The following LRBA variants were observed in gnomAD, a reference collection of about 807,000 sequenced individuals.
LRBA encodes the protein LPS responsive beige-like anchor protein, also known as lipopolysaccharide-responsive and beige-like anchor protein.
In LRBA, 176 loss-of-function variants were observed where a neutral mutation model predicts 330.0. The observed-to-expected ratio is 0.53, with a 90% CI of 0.47 to 0.60. The LOEUF (loss-of-function observed/expected upper bound fraction) is 0.60, where lower values mean the gene tolerates loss of function less well. Among genes scored for constraint, LRBA ranks in the 20% least tolerant of loss-of-function variants. The pLI is 0.00. For synonymous variants in LRBA, 1,230 were observed against 1,193.0 expected (o/e 1.03, Z -0.64); for missense variants, 3,259 against 3,444.8 (o/e 0.95, Z 1.35).
At chr4:150,632,716 C>T (rs1379623722) in intron 37 of LRBA, among the ~76,000 whole-genome samples, 6 of 152,108 alleles carry the variant, frequency 3.9e-5, no homozygotes, top group Non-Finnish European at 7.4e-5. Context: ...CATGTTTCAC[C>T]CTATCTGCCT....
intron 40 of LRBA, among the ~76,000 whole-genome samples, chr4:150,541,968 C>T (rs1020491045): frequency 3.3e-5 from 5 of 152,084 alleles, no homozygotes; most frequent in African/African-American, 1.2e-4. Context: ...ACAGAAATAC[C>T]TTGAAAGTAA....
intron 40 of LRBA, among the ~76,000 whole-genome samples, chr4:150,534,373 AATAAT>A (rs1387656049): frequency 3.4e-5 from 4 of 117,466 alleles, no homozygotes; most frequent in Non-Finnish European, 7.9e-5. Context: ...TAATAATAAT[AATAAT>A]TTTTTTTAAA....
At chr4:150,296,272 A>G (rs1218353093) in intron 53 of LRBA, among the ~76,000 whole-genome samples, 1 of 152,190 alleles carries the variant, frequency 6.6e-6, no homozygotes, top group East Asian at 1.9e-4. Flanking sequence ...CCACTCACCC[A>G]AAGGAAATAA....
At chr4:150,411,312 A>C (rs1165977758) in intron 47 of LRBA, among the ~76,000 whole-genome samples, 1 of 152,202 alleles carries the variant, frequency 6.6e-6, no homozygotes, top group African/African-American at 2.4e-5. Flanking sequence ...TGGGTGAGAC[A>C]GTAGTTACAG....
rs1261962944 is a variant in LRBA, at chr4:150,844,780, CTG to C, written c.4340-3_4340-2del. 6.2e-7 allele frequency: 1 copy of C among 1,607,680 alleles called. No homozygotes were observed. The highest frequency in any genetic ancestry group is 1.1e-5 in the South Asian group (1 of 89,194). On this transcript the variant is annotated splice_acceptor_variant and splice_polypyrimidine_tract_variant and intron_variant, in intron 26 of 56. Transcript: ENST00000651943. LOFTEE classifies it high-confidence loss of function. ...CAATTCCTTACTGCGACTGCACAAA[CTG>C]TAATTTATTTTAAGGAAAAGATAGG...
At position 150,929,034 on chromosome 4, in the gene LRBA, T is replaced by A. The variant is rs1734178213; in HGVS notation, c.248A>T (p.Asn83Ile). Residue 83 changes from asparagine (N) to isoleucine (I), a missense_variant, in exon 3 of 57, where the codon AAT (asparagine) becomes ATT (isoleucine). Coordinates refer to ENST00000651943, the MANE Select transcript of LRBA (RefSeq NM_001364905.1). ...LVGGQFDLEM[N>I]FIIQEGESIN... Reference sequence around the variant, plus strand: ...ACTCTCACCTTCTTGGATAATGAAATTCATTTCCAGATCAAACTGTCCTCC... The same window carrying A: ...ACTCTCACCTTCTTGGATAATGAAAATCATTTCCAGATCAAACTGTCCTCC... The A allele has an allele frequency of 6.2e-7, 1 of 1,613,094 alleles. No individual in the cohort carries two copies. The highest frequency in any genetic ancestry group is 2.2e-5 in the East Asian group (1 of 44,824).
intron 36 of LRBA, among the ~76,000 whole-genome samples, chr4:150,688,048 AG>A: frequency 6.6e-6 from 1 of 152,352 alleles, no homozygotes; most frequent in East Asian, 1.9e-4. Context: ...CCTGACTTCA[AG>A]CTATACTATA....
intron 31 of LRBA, among the ~76,000 whole-genome samples, chr4:150,816,661 A>C (rs1744637312): frequency 6.6e-6 from 1 of 151,910 alleles, no homozygotes; most frequent in Non-Finnish European, 1.5e-5. Flanking sequence ...CTCTAATTCA[A>C]AAAAATATGC....
chr4:150,914,424 T>G (rs555624445), intron 8 of LRBA, 83 bp from the exon 9 acceptor site: 1 of 973,392 alleles, frequency 1.0e-6, no homozygotes, highest in South Asian at 2.4e-5. Flanking sequence ...TCATAAATGT[T>G]TTGTCCATTC....
intron 40 of LRBA, among the ~76,000 whole-genome samples, chr4:150,495,739 C>G (rs1387468983): frequency 1.3e-5 from 2 of 152,122 alleles, no homozygotes; most frequent in Non-Finnish European, 2.9e-5. Context: ...GAAACAGACC[C>G]TTCTTTGGGA....
Position 150,603,557 on chromosome 4 carries a change from G to A in LRBA, c.5922-4426C>T, listed in dbSNP as rs549910238. Among the ~76,000 whole-genome samples, 5 of 152,224 alleles carry A rather than the reference G, an allele frequency of 3.3e-5. No homozygotes were observed. The South Asian group carries it at 1.0e-3, about 32-fold the overall frequency. On this transcript the variant is annotated intron_variant, in intron 37 of 56. Transcript: ENST00000651943. ...AATGCAGTGGCAACATGAGGGAACA[G>A]AACAAAGCTCACTGCAGCCTCTAAC...
chr4:150,364,978 T>C (rs1400884339), intron 47 of LRBA, among the ~76,000 whole-genome samples: 2 of 151,908 alleles, frequency 1.3e-5, no homozygotes, highest in Non-Finnish European at 2.9e-5. Context: ...ATAATATATA[T>C]ACACACACAG....
At chr4:150,288,147 G>C (rs1196124723) in intron 53 of LRBA, among the ~76,000 whole-genome samples, 1 of 152,006 alleles carries the variant, frequency 6.6e-6, no homozygotes, top group Non-Finnish European at 1.5e-5. Context: ...GCCCGCCACT[G>C]CGCCCAGCTA....
chr4:150,469,304 A>C (rs971090867), intron 43 of LRBA, among the ~76,000 whole-genome samples: 3 of 152,164 alleles, frequency 2.0e-5, no homozygotes, highest in Non-Finnish European at 2.9e-5. Flanking sequence ...AGAAATCTTA[A>C]GTGAGACTTA....
At chr4:150,835,611 T>C (rs1426986694) in intron 28 of LRBA, among the ~76,000 whole-genome samples, 1 of 152,190 alleles carries the variant, frequency 6.6e-6, no homozygotes, top group Non-Finnish European at 1.5e-5. Flanking sequence ...TTGTCTGTTA[T>C]TGGTGTATAG....
At position 150,861,270 on chromosome 4, in the gene LRBA, G is replaced by GGTGTGTGT. The variant is rs35115144; in HGVS notation, c.2766+6393_2766+6400dup. Among the ~76,000 whole-genome samples the GGTGTGTGT allele has an allele frequency of 6.6e-3, 905 of 137,880 alleles. 8 individuals are homozygous for GGTGTGTGT. The highest frequency in any genetic ancestry group is 0.015 in the African/African-American group (539 of 36,454). 90.5% of individuals were successfully genotyped at this position (137,880 alleles called of 152,430 possible). ...GGTGCATGCCACCATCCCAGCTAAT[G>GGTGTGTGT]GTGTGTGTGTGTGTGTGTGTGTGTG... is the stretch of plus-strand genomic sequence containing the variant. On this transcript the variant is annotated intron_variant, in intron 22 of 56. Transcript: ENST00000651943.
At chr4:150,898,890 A>ACC (rs1730416568) in intron 14 of LRBA, among the ~76,000 whole-genome samples, 1 of 152,178 alleles carries the variant, frequency 6.6e-6, no homozygotes, top group Non-Finnish European at 1.5e-5. Context: ...TTGCTAAATT[A>ACC]TAGGTACCAG....
intron 40 of LRBA, among the ~76,000 whole-genome samples, chr4:150,552,170 T>G (rs111988096): frequency 0.026 from 4,019 of 152,190 alleles, 153 homozygotes; most frequent in African/African-American, 0.087. Context: ...TCCTGCTATG[T>G]GGCCCAGTTC....
chr4:150,318,336 GATT>G (rs1731999380), intron 50 of LRBA, among the ~76,000 whole-genome samples: 1 of 152,120 alleles, frequency 6.6e-6, no homozygotes. Flanking sequence ...GGAGGTTAAA[GATT>G]ATTTATTTTC....
Sources: allele counts gnomAD v4.1 joint callset (sites outside exome capture counted in the v4.1 genomes callset), GRCh38; gene constraint gnomAD v4.1.1; transcripts MANE v1.5; gene names NCBI Gene and HGNC (gene_info 2026-07-23, HGNC 2026-07-21).